The following EFTUD2 variants were observed in gnomAD, a reference collection of about 807,000 sequenced individuals.
EFTUD2 encodes elongation factor Tu GTP binding domain containing 2.
EFTUD2 carries 9 observed loss-of-function variants against 114.3 expected under a neutral mutation model. That is an observed-to-expected ratio of 0.08 (90% CI 0.05 to 0.14). The LOEUF (loss-of-function observed/expected upper bound fraction) is 0.14, where lower values mean the gene tolerates loss of function less well. Among genes scored for constraint, EFTUD2 ranks in the 10% least tolerant of loss-of-function variants. The pLI, the probability that EFTUD2 is intolerant of heterozygous loss-of-function variation, is 1.00. For synonymous variants in EFTUD2, 449 were observed against 462.3 expected, an observed-to-expected ratio of 0.97 and a Z score of 0.37; for missense variants, 765 against 1,241.2, an observed-to-expected ratio of 0.62 and a Z score of 5.76.
At chr17:44,880,267 C>T (rs985761424) in intron 8 of EFTUD2, among the ~76,000 whole-genome samples, 1 of 152,164 alleles carries the variant, frequency 6.6e-6, no homozygotes, top group Non-Finnish European at 1.5e-5. Flanking sequence ...TTTAGCTCCC[C>T]AGCAGATAGC....
intron 25 of EFTUD2, 64 bp downstream of exon 25, chr17:44,853,232 C>T: frequency 6.5e-7 from 1 of 1,539,710 alleles, no homozygotes; most frequent in South Asian, 1.1e-5. Context: ...CCTGTAGGAG[C>T]CGAGGTGACT....
intron 2 of EFTUD2, among the ~76,000 whole-genome samples, chr17:44,893,299 T>A (rs2051316033): frequency 6.6e-6 from 1 of 152,018 alleles, no homozygotes; most frequent in Non-Finnish European, 1.5e-5. Flanking sequence ...ATATTTGTAT[T>A]TTTAGTAGAG....
At chr17:44,888,357 C>CA (rs1422533389) in intron 2 of EFTUD2, among the ~76,000 whole-genome samples, 38 of 152,336 alleles carry the variant, frequency 2.5e-4, no homozygotes, top group African/African-American at 8.7e-4. Context: ...CTACAACACA[C>CA]AGAGTCCTCA....
At chr17:44,881,786 A>G (rs968795182) in intron 6 of EFTUD2, 64 bp from the exon 7 acceptor site, 6 of 1,510,050 alleles carry the variant, frequency 4.0e-6, no homozygotes, top group Non-Finnish European at 5.5e-6. Context: ...ACGAACCATC[A>G]ATCACTTTCC....
intron 15 of EFTUD2, 48 bp from the exon 16 acceptor site, chr17:44,862,954 G>T: frequency 2.0e-6 from 3 of 1,511,206 alleles, no homozygotes; most frequent in Non-Finnish European, 9.1e-7. Flanking sequence ...ATGCTCCGGG[G>T]AAGTACTACT....
chr17:44,871,564 CT>C (rs1237247629), intron 11 of EFTUD2, among the ~76,000 whole-genome samples: 1 of 151,198 alleles, frequency 6.6e-6, no homozygotes, highest in East Asian at 2.0e-4. Context: ...TGGTCTTGAT[CT>C]CCCGACCTCG....
chr17:44,869,286 A>T (rs958758205), intron 11 of EFTUD2, among the ~76,000 whole-genome samples: 5 of 152,110 alleles, frequency 3.3e-5, no homozygotes, highest in Admixed American at 6.5e-5. Flanking sequence ...TGCACTTACC[A>T]TGCAGTATAA....
At chr17:44,885,373 A>C in intron 3 of EFTUD2, 39 bp from the exon 4 acceptor site, 1 of 1,373,290 alleles carries the variant, frequency 7.3e-7, no homozygotes, top group Non-Finnish European at 1.0e-6. Flanking sequence ...GTAGGTGGGC[A>C]TAAAACATAA....
At chr17:44,868,019 A>G (rs1386307352) in intron 12 of EFTUD2, 122 bp from the exon 13 acceptor site, 3 of 1,038,504 alleles carry the variant, frequency 2.9e-6, no homozygotes, top group Admixed American at 2.8e-5. Flanking sequence ...GTGTGACTGT[A>G]AAGTTTCCAG....
intron 26 of EFTUD2, 31 bp from the exon 27 acceptor site, chr17:44,851,848 G>A: frequency 8.3e-6 from 13 of 1,574,166 alleles, no homozygotes; most frequent in Non-Finnish European, 1.1e-5. Context: ...AGATGGCCCA[G>A]GCAGAATTCC....
At position 44,883,077 on chromosome 17, in the gene EFTUD2, C is replaced by A. The variant is rs762676687; in HGVS notation, c.492+16G>T. 5 of 1,613,792 alleles carry A rather than the reference C, an allele frequency of 3.1e-6. No homozygotes were observed. Among genetic ancestry groups the A allele is most frequent in the Non-Finnish European group, 4.2e-6 (5 of 1,179,852 alleles). On this transcript the variant is annotated intron_variant, in intron 6 of 27. Transcript: ENST00000426333. ...TGAATGGTTCATCCTAAACCCTCAACAGAAGTTCTACTTACATCTTGGTCA... is the reference window on the plus strand; with the variant it reads ...TGAATGGTTCATCCTAAACCCTCAAAAGAAGTTCTACTTACATCTTGGTCA...
chr17:44,870,736 C>G (rs1049545099), intron 11 of EFTUD2, among the ~76,000 whole-genome samples: 28 of 152,234 alleles, frequency 1.8e-4, no homozygotes, highest in African/African-American at 5.3e-4. Context: ...ACATAGTACA[C>G]AGGCCAGGCA....
chr17:44,854,066 G>GA lies in EFTUD2; in HGVS notation c.2347+202dup. On this transcript the variant is annotated intron_variant, in intron 23 of 27. Transcript: ENST00000426333. The surrounding 1 kb of genome is among the most constrained non-coding windows in gnomAD (Gnocchi z 4.3). ...GAAATGAGGAGCAAATGACAGTTTA[G>GA]AAATGACTTAAATTTCCATTTCCAG... 7.1e-7 allele frequency: 1 copy of GA among 1,403,938 alleles called. No homozygotes were observed. The highest frequency in any genetic ancestry group is 1.7e-5 in the South Asian group (1 of 59,052). 87.0% of individuals were successfully genotyped at this position (1,403,938 alleles called of 1,614,324 possible). A position where few individuals can be genotyped will look rare whatever the true frequency, so the allele number is the denominator to read the frequency against.
At chr17:44,879,765 A>AC (rs779973689) in intron 8 of EFTUD2, 127 bp from the exon 9 acceptor site, 117 of 865,414 alleles carry the variant, frequency 1.4e-4, no homozygotes, top group Non-Finnish European at 2.0e-4. Flanking sequence ...CCTCGCCATA[A>AC]CCCCCCACAG....
In EFTUD2 at chr17:44,855,672, C is replaced by T. The variant is rs1212030253; in HGVS notation, c.2046-668G>A. On this transcript the variant is annotated intron_variant, in intron 20 of 27. Transcript: ENST00000426333. ...CCATCTCTATAAAAAATTAGCCAGCCGGGTGCGATGGCTCATGCCTGTAAT... is the reference window on the plus strand; with the variant it reads ...CCATCTCTATAAAAAATTAGCCAGCTGGGTGCGATGGCTCATGCCTGTAAT... 3.9e-5 allele frequency among the ~76,000 whole-genome samples: 6 copies of T among 152,138 alleles called. No individual in the cohort carries two copies. The South Asian group carries it at 6.2e-4, about 16-fold the overall frequency.
At position 44,854,052 on chromosome 17, in the gene EFTUD2, C is replaced by T; in HGVS notation, c.2347+217G>A. On this transcript the variant is annotated intron_variant, in intron 23 of 27. Transcript: ENST00000426333. The surrounding 1 kb of genome is among the most constrained non-coding windows in gnomAD (Gnocchi z 4.3). ...CCAAACCCTTCTCAGAAATGAGGAG[C>T]AAATGACAGTTTAGAAATGACTTAA... The T allele has an allele frequency of 7.2e-7, 1 of 1,386,388 alleles. No individual in the cohort carries two copies. Among genetic ancestry groups the T allele is most frequent in the Non-Finnish European group, 9.3e-7 (1 of 1,075,656 alleles). The allele number at this position is 1,386,388 out of a possible 1,614,324, so 85.9% of individuals were successfully genotyped here. A position where few individuals can be genotyped will look rare whatever the true frequency, so the allele number is the denominator to read the frequency against.
chr17:44,893,637 T>C (rs2051322122), intron 2 of EFTUD2, among the ~76,000 whole-genome samples: 1 of 152,184 alleles, frequency 6.6e-6, no homozygotes, highest in African/African-American at 2.4e-5. Context: ...GGAACCTTAG[T>C]AGCGAAGCTT....
At position 44,883,641 on chromosome 17, in the gene EFTUD2, C is replaced by T. The variant is rs2289677; in HGVS notation, c.426+8G>A. On this transcript the variant is annotated splice_region_variant and intron_variant, in intron 5 of 27. Transcript: ENST00000426333. ...TCCTGTTCCAAGTAGCTGAAAGTTC[C>T]GTCTTACCTTGCCATGGTGGAGATG... 960,019 of 1,610,642 alleles carry T rather than the reference C, an allele frequency of 0.6. 289,269 individuals are homozygous for T. The highest frequency in any genetic ancestry group is 0.73 in the African/African-American group (54,817 of 74,886).
chr17:44,851,150 G>T lies in EFTUD2; in HGVS notation c.*124C>A. Reference sequence around the variant, plus strand: ...GGTTGGAGGTTGGTGAGTTGTTCAAGATGGCAACAGCAGCTTCCAGACACT... The same window carrying T: ...GGTTGGAGGTTGGTGAGTTGTTCAATATGGCAACAGCAGCTTCCAGACACT... On this transcript the variant is annotated 3_prime_UTR_variant, in exon 28 of 28. Transcript: ENST00000426333. 2.5e-6 allele frequency: 2 copies of T among 794,574 alleles called. No homozygotes were observed. Among genetic ancestry groups the T allele is most frequent in the Non-Finnish European group, 2.2e-6 (1 of 463,992 alleles). The allele number at this position is 794,574 out of a possible 1,614,324, so 49.2% of individuals were successfully genotyped here.
Sources: allele counts gnomAD v4.1 joint callset (sites outside exome capture counted in the v4.1 genomes callset), GRCh38; gene constraint gnomAD v4.1.1; non-coding constraint Gnocchi (gnomAD v3.1); transcripts MANE v1.5; gene names NCBI Gene and HGNC (gene_info 2026-07-23, HGNC 2026-07-21).